Variants in KCTD1 observed in about 807,000 individuals in gnomAD.
KCTD1 encodes potassium channel tetramerization domain containing 1, also known as BTB/POZ domain-containing protein KCTD1.
A neutral mutation model predicts 66.0 loss-of-function variants in KCTD1; 24 were observed. That is an observed-to-expected ratio of 0.36 (90% CI 0.26 to 0.51). The LOEUF (loss-of-function observed/expected upper bound fraction) is 0.51. Among genes scored for constraint, KCTD1 ranks in the 20% least tolerant of loss-of-function variants. KCTD1 has a pLI of 0.95. For synonymous variants in KCTD1, 511 were observed against 517.2 expected, an observed-to-expected ratio of 0.99 and a Z score of 0.16; for missense variants, 943 against 1,205.2, an observed-to-expected ratio of 0.78 and a Z score of 3.22.
chr18:26,612,465 C>A (rs1379851500), intron 1 of KCTD1, among the ~76,000 whole-genome samples: 1 of 152,050 alleles, frequency 6.6e-6, no homozygotes, highest in Non-Finnish European at 1.5e-5. Flanking sequence ...TCCAATAGGA[C>A]CGGTGTCTTT....
intron 1 of KCTD1, among the ~76,000 whole-genome samples, chr18:26,514,162 TGA>T (rs954963180): frequency 6.6e-6 from 1 of 152,210 alleles, no homozygotes; most frequent in African/African-American, 2.4e-5. Context: ...TGATATAAAG[TGA>T]TGCTTTTAAA....
chr18:26,593,549 CGAG>C lies in KCTD1; in HGVS notation c.-16+35595_-16+35597del, dbSNP rs1288982067. Among the ~76,000 whole-genome samples the C allele has an allele frequency of 7.7e-3, 337 of 43,812 alleles. 2 individuals are homozygous for C. The highest frequency in any genetic ancestry group is 0.023 in the African/African-American group (230 of 10,008). The allele number at this position is 43,812 out of a possible 152,430, so 28.7% of individuals were successfully genotyped here. ...ACAAGGAGAAGGAGGAGGAAGAAGACGAGGAGGAGGAGGAGGAGGAAGACAAGG... is the reference window on the plus strand; with the variant it reads ...ACAAGGAGAAGGAGGAGGAAGAAGACGAGGAGGAGGAGGAGGAAGACAAGG... On this transcript the variant is annotated intron_variant, in intron 1 of 4. Transcript: ENST00000317932.
chr18:26,484,173 A>G (rs917187069), intron 2 of KCTD1, among the ~76,000 whole-genome samples: 6 of 152,248 alleles, frequency 3.9e-5, no homozygotes, highest in Non-Finnish European at 7.3e-5. Flanking sequence ...TAAGATTTCC[A>G]GACTCAAGAA....
chr18:26,594,429 T>C (rs1366837706), intron 1 of KCTD1, among the ~76,000 whole-genome samples: 2 of 152,228 alleles, frequency 1.3e-5, no homozygotes, highest in African/African-American at 4.8e-5. Flanking sequence ...CTTAAAATCC[T>C]AAAGTTTATA....
chr18:26,519,837 G>A (rs1983827842), intron 1 of KCTD1, among the ~76,000 whole-genome samples: 1 of 152,222 alleles, frequency 6.6e-6, no homozygotes, highest in South Asian at 2.1e-4. Flanking sequence ...ATCATGGAGA[G>A]GGACTGTGGC....
rs911417908 is a variant in KCTD1, at chr18:26,476,844, A to T, written c.1989-185T>A. ...ATCTCAGGACGAGACCATTCAAAATAGTCCTAGGCTTTGTCAAATGAATTC... is the reference window on the plus strand; with the variant it reads ...ATCTCAGGACGAGACCATTCAAAATTGTCCTAGGCTTTGTCAAATGAATTC... On this transcript the variant is annotated intron_variant, in intron 2 of 4. Transcript: ENST00000580059. The surrounding 1 kb of genome is among the most constrained non-coding windows in gnomAD (Gnocchi z 4.9). 1.8e-6 allele frequency: 1 copy of T among 546,830 alleles called. No individual in the cohort carries two copies. Among genetic ancestry groups the T allele is most frequent in the Non-Finnish European group, 3.2e-6 (1 of 315,198 alleles). The allele number at this position is 546,830 out of a possible 1,614,324, so 33.9% of individuals were successfully genotyped here.
At chr18:26,615,367 A>G (rs1385251983) in intron 1 of KCTD1, among the ~76,000 whole-genome samples, 1 of 152,200 alleles carries the variant, frequency 6.6e-6, no homozygotes, top group Non-Finnish European at 1.5e-5. Flanking sequence ...AGCATCAATG[A>G]GGATATTTTG....
chr18:26,615,003 A>G (rs776869468), intron 1 of KCTD1, among the ~76,000 whole-genome samples: 1 of 152,236 alleles, frequency 6.6e-6, no homozygotes, highest in Non-Finnish European at 1.5e-5. Flanking sequence ...TGAACTCAGC[A>G]CTTTCTTAGG....
At chr18:26,502,002 A>T (rs1982785487) in intron 1 of KCTD1, among the ~76,000 whole-genome samples, 1 of 152,256 alleles carries the variant, frequency 6.6e-6, no homozygotes, top group South Asian at 2.1e-4. Flanking sequence ...AACAGACCAG[A>T]ATGAGGATAT....
chr18:26,617,675 A>C (rs953240729), intron 1 of KCTD1, among the ~76,000 whole-genome samples: 1 of 152,228 alleles, frequency 6.6e-6, no homozygotes, highest in African/African-American at 2.4e-5. Context: ...TGGCATGTAT[A>C]ATGCGGTGTC....
Position 26,476,808 on chromosome 18 carries a change from G to T in KCTD1, c.1989-149C>A, listed in dbSNP as rs1041620655. 1.5e-6 allele frequency: 1 copy of T among 648,538 alleles called. No individual in the cohort carries two copies. Among genetic ancestry groups the T allele is most frequent in the Non-Finnish European group, 2.7e-6 (1 of 376,400 alleles). 40.2% of individuals were successfully genotyped at this position (648,538 alleles called of 1,614,324 possible). A position where few individuals can be genotyped will look rare whatever the true frequency, so the allele number is the denominator to read the frequency against. ...GATTGTCTGCAAAGTGTTGGTCCCC[G>T]CTTGATAAATATCTCAGGACGAGAC... On this transcript the variant is annotated intron_variant, in intron 2 of 4. Coordinates refer to ENST00000580059, the MANE Select transcript of KCTD1 (RefSeq NM_001142730.3). The surrounding 1 kb of genome is among the most constrained non-coding windows in gnomAD (Gnocchi z 4.9).
chr18:26,460,339 A>G (rs1396859999), intron 3 of KCTD1, among the ~76,000 whole-genome samples: 1 of 152,248 alleles, frequency 6.6e-6, no homozygotes. Context: ...GTGAGAACCC[A>G]ATTTCTATCC....
At chr18:26,537,615 G>A (rs974446727) in intron 1 of KCTD1, among the ~76,000 whole-genome samples, 1 of 152,180 alleles carries the variant, frequency 6.6e-6, no homozygotes, top group Admixed American at 6.5e-5. Context: ...GAAGGCAGAA[G>A]TCAAGTATTA....
chr18:26,657,287 A>G lies in KCTD1; in HGVS notation c.9+73T>C, dbSNP rs913515751. On this transcript the variant is annotated intron_variant, in intron 1 of 4. Coordinates refer to the KCTD1 transcript ENST00000580191. Reference sequence around the variant, plus strand: ...GCCCCATGCCTGGCACATGCGTAAAAGCGAGTTGCGCCCAAAGTCCCAGCC... The same window carrying G: ...GCCCCATGCCTGGCACATGCGTAAAGGCGAGTTGCGCCCAAAGTCCCAGCC... 6 of 975,406 alleles carry G rather than the reference A, an allele frequency of 6.2e-6. No individual in the cohort carries two copies. In the South Asian group the frequency reaches 1.4e-4, roughly 23 times the overall value. The allele number at this position is 975,406 out of a possible 1,614,324, so 60.4% of individuals were successfully genotyped here.
Position 26,616,365 on chromosome 18 carries a change from A to C in KCTD1, c.-16+12782T>G, listed in dbSNP as rs557518693. On this transcript the variant is annotated intron_variant, in intron 1 of 4. Transcript: ENST00000317932. ...CCCTTGTTTTATATGTTCCTACCAG[A>C]TGTGGATTGTTGTTTTATATGCCTA... Among the ~76,000 whole-genome samples, 61 of 151,900 alleles carry C rather than the reference A, an allele frequency of 4.0e-4. No homozygotes were observed. The South Asian group carries it at 5.2e-3, about 13-fold the overall frequency.
chr18:26,527,284 CA>C (rs1984209128), intron 1 of KCTD1, among the ~76,000 whole-genome samples: 1 of 152,138 alleles, frequency 6.6e-6, no homozygotes, highest in South Asian at 2.1e-4. Context: ...GAGCAACTAA[CA>C]GAAGAATAAA....
chr18:26,536,436 T>A (rs116811728), intron 1 of KCTD1, among the ~76,000 whole-genome samples: 1,613 of 152,352 alleles, frequency 0.011, 31 homozygotes, highest in African/African-American at 0.037. Context: ...AGAAAAGGCT[T>A]AAATTTTTTG....
Position 26,476,715 on chromosome 18 carries a change from G to A in KCTD1, c.1989-56C>T, listed in dbSNP as rs1981368592. ...AATTAGATCAATTGTTCGGGCACTA[G>A]GACTAAGAGGTGTCTTTTATCACTG... On this transcript the variant is annotated intron_variant, in intron 2 of 4. Transcript: ENST00000580059. This position sits in a 1 kb window ranked among gnomAD's most constrained non-coding sequence, Gnocchi z 4.9. The A allele has an allele frequency of 6.7e-7, 1 of 1,494,146 alleles. No individual in the cohort carries two copies. The highest frequency in any genetic ancestry group is 1.9e-5 in the Admixed American group (1 of 52,878). 92.6% of individuals were successfully genotyped at this position (1,494,146 alleles called of 1,614,324 possible).
intron 4 of KCTD1, 114 bp from the exon 5 acceptor site, chr18:26,456,015 G>T: frequency 1.0e-6 from 1 of 964,306 alleles, no homozygotes; most frequent in Non-Finnish European, 1.5e-6. Context: ...CAGCACCCAT[G>T]TCCCTGTGAG....
Sources: allele counts gnomAD v4.1 joint callset (sites outside exome capture counted in the v4.1 genomes callset), GRCh38; gene constraint gnomAD v4.1.1; non-coding constraint Gnocchi (gnomAD v3.1); transcripts MANE v1.5; gene names NCBI Gene and HGNC (gene_info 2026-07-23, HGNC 2026-07-21).